The following ACSM3 variants were observed in gnomAD, a reference collection of about 807,000 sequenced individuals.
ACSM3 encodes acyl-CoA synthetase medium chain family member 3.
ACSM3 carries 61 observed loss-of-function variants against 74.1 expected under a neutral mutation model. The observed-to-expected ratio is 0.82, with a 90% CI of 0.67 to 1.02. The LOEUF (loss-of-function observed/expected upper bound fraction) is 1.02, where lower values mean the gene tolerates loss of function less well. Ranked by LOEUF, ACSM3 falls within the 50% of genes least tolerant of loss-of-function variation. The pLI, the probability that ACSM3 is intolerant of heterozygous loss-of-function variation, is 0.00. For synonymous variants in ACSM3, 213 were observed against 241.5 expected, an observed-to-expected ratio of 0.88 and a Z score of 1.09; for missense variants, 660 against 697.0, an observed-to-expected ratio of 0.95 and a Z score of 0.60.
chr16:20,735,994 T>C (rs1294517115), intron 1 of ACSM3: 1 of 152,220 alleles, frequency 6.6e-6, no homozygotes, highest in African/African-American at 2.4e-5. Flanking sequence ...CTAAAGGTGA[T>C]TTCTGAACAA....
At chr16:20,711,209 A>G (rs1048267322) in intron 1 of ACSM3, among the ~76,000 whole-genome samples, 6 of 152,188 alleles carry the variant, frequency 3.9e-5, no homozygotes, top group Non-Finnish European at 7.3e-5. Context: ...ACAGATAAGG[A>G]AAAAAAGACA....
intron 2 of ACSM3, among the ~76,000 whole-genome samples, chr16:20,772,050 T>C (rs2080199962): frequency 6.6e-6 from 1 of 152,198 alleles, no homozygotes; most frequent in Non-Finnish European, 1.5e-5. Context: ...AAATGTCTAT[T>C]CAGATTCTAT....
intron 11 of ACSM3, 51 bp downstream of exon 11, chr16:20,792,180 G>A: frequency 6.2e-7 from 1 of 1,613,944 alleles, no homozygotes; most frequent in Non-Finnish European, 8.5e-7. Flanking sequence ...GATCATCAGT[G>A]TTCTAGAGTG....
At chr16:20,691,640 G>A (rs773309826) in intron 1 of ACSM3, among the ~76,000 whole-genome samples, 1 of 152,038 alleles carries the variant, frequency 6.6e-6, no homozygotes, top group Non-Finnish European at 1.5e-5. Flanking sequence ...CATGGAAGCT[G>A]TGATATCTTT....
intron 1 of ACSM3, among the ~76,000 whole-genome samples, chr16:20,723,589 G>A (rs1596485470): frequency 6.6e-6 from 1 of 152,134 alleles, no homozygotes; most frequent in East Asian, 1.9e-4. Flanking sequence ...ACTGGTGTGA[G>A]ATGGTATCTC....
In ACSM3 at chr16:20,730,330, A is replaced by T. The variant is rs1300249403; in HGVS notation, c.-189-19580A>T. 3.9e-5 allele frequency among the ~76,000 whole-genome samples: 6 copies of T among 152,354 alleles called. No individual in the cohort carries two copies. The South Asian group carries it at 6.2e-4, about 16-fold the overall frequency. On this transcript the variant is annotated intron_variant, in intron 1 of 3. Transcript: ENST00000561584. ...TTCTCACAGAAACAAGGCAGATAGA[A>T]AATTGTGGCCAGTTTCCCAAACAAG...
intron 1 of ACSM3, among the ~76,000 whole-genome samples, chr16:20,685,886 C>T (rs917774362): frequency 6.8e-6 from 1 of 146,638 alleles, no homozygotes; most frequent in African/African-American, 2.5e-5. Flanking sequence ...AGGGGTGGAG[C>T]GGGACTTCTG....
chr16:20,731,227 C>T (rs2079828527), intron 1 of ACSM3, among the ~76,000 whole-genome samples: 1 of 152,142 alleles, frequency 6.6e-6, no homozygotes, highest in African/African-American at 2.4e-5. Context: ...TCTTCAAACT[C>T]CCTTGAAACC....
At position 20,780,604 on chromosome 16, in the gene ACSM3, C is replaced by T. The variant is rs199569669; in HGVS notation, c.639-110C>T. 1.3e-5 allele frequency: 21 copies of T among 1,606,366 alleles called. No homozygotes were observed. In the East Asian group the frequency reaches 4.7e-4, roughly 36 times the overall value. On this transcript the variant is annotated intron_variant, in intron 4 of 13. Transcript: ENST00000289416. ...GTAATTCAAGCTAAGCCACTGGCAC[C>T]TGATTCATGACATGAAGAGGTTCAA...
In ACSM3 at chr16:20,689,577, T is replaced by C. The variant is rs548194211; in HGVS notation, c.-190+14755T>C. ...CTGCAAAAATTAAGCTACTTCTATGTGATTGAATATGATAAAATCAATGAA... is the reference window on the plus strand; with the variant it reads ...CTGCAAAAATTAAGCTACTTCTATGCGATTGAATATGATAAAATCAATGAA... On this transcript the variant is annotated intron_variant, in intron 1 of 3. Transcript: ENST00000561584. Among the ~76,000 whole-genome samples, 18 of 152,350 alleles carry C rather than the reference T, an allele frequency of 1.2e-4. No homozygotes were observed. The South Asian group carries it at 3.7e-3, about 32-fold the overall frequency.
In ACSM3 at chr16:20,738,975, T is replaced by C. The variant is rs756541855; in HGVS notation, c.-189-10935T>C. The stretch of plus-strand genomic sequence containing the variant: ...TGGAATCTTCTTAACCTCATCTCTG[T>C]AGATGCCTTAATGTCACCAACTTCT... On this transcript the variant is annotated intron_variant, in intron 1 of 3. Transcript: ENST00000561584. 3.1e-6 allele frequency: 5 copies of C among 1,614,114 alleles called. No homozygotes were observed. In the Admixed American group the frequency reaches 8.3e-5, roughly 27 times the overall value.
intron 1 of ACSM3, chr16:20,691,344 C>T: frequency 3.4e-6 from 2 of 589,922 alleles, no homozygotes; most frequent in East Asian, 3.3e-5. Flanking sequence ...TGTTTCAGGT[C>T]ACCAGAATTT....
intron 1 of ACSM3, chr16:20,727,437 C>A (rs1171963608): frequency 3.8e-6 from 2 of 525,482 alleles, no homozygotes; most frequent in African/African-American, 2.0e-5. Context: ...TGGGCTGGAG[C>A]TACATGAGAG....
At chr16:20,748,549 C>G (rs991497489) in intron 1 of ACSM3, among the ~76,000 whole-genome samples, 2 of 152,144 alleles carry the variant, frequency 1.3e-5, no homozygotes, top group African/African-American at 4.8e-5. Context: ...ATGTCAGTTG[C>G]ACATACAAAT....
chr16:20,690,292 T>C (rs1271411115), intron 1 of ACSM3, among the ~76,000 whole-genome samples: 1 of 152,216 alleles, frequency 6.6e-6, no homozygotes, highest in Non-Finnish European at 1.5e-5. Flanking sequence ...TGGGAGTTAG[T>C]GGCTATAAAT....
At chr16:20,695,220 T>C (rs1050367382) in intron 1 of ACSM3, among the ~76,000 whole-genome samples, 12 of 152,176 alleles carry the variant, frequency 7.9e-5, no homozygotes, top group African/African-American at 2.4e-4. Flanking sequence ...CGGGCTCAAA[T>C]TCCAGCACTT....
intron 1 of ACSM3, chr16:20,680,700 T>C (rs2079425810): frequency 6.6e-6 from 1 of 152,174 alleles, no homozygotes. Context: ...AAAACAAAAC[T>C]CTATGGAGAA....
intron 1 of ACSM3, chr16:20,725,520 G>A (rs1309739857): frequency 6.2e-6 from 1 of 161,808 alleles, no homozygotes; most frequent in Non-Finnish European, 1.4e-5. Context: ...TTTCAGCACA[G>A]GGCAGCCCAG....
intron 1 of ACSM3, chr16:20,732,904 T>A (rs977169048): frequency 6.2e-6 from 1 of 161,762 alleles, no homozygotes; most frequent in Non-Finnish European, 1.4e-5. Flanking sequence ...TTCCGTCAAT[T>A]AGGTGGAATT....
Sources: allele counts gnomAD v4.1 joint callset (sites outside exome capture counted in the v4.1 genomes callset), GRCh38; gene constraint gnomAD v4.1.1; transcripts MANE v1.5; gene names NCBI Gene and HGNC (gene_info 2026-07-23, HGNC 2026-07-21).